WDFY4: variants seen among roughly 807,000 people sequenced by gnomAD.
WDFY4 encodes WDFY family member 4, also known as WD repeat- and FYVE domain-containing protein 4.
Under a neutral mutation model 351.9 loss-of-function variants are expected in WDFY4, and 169 were observed. That is an observed-to-expected ratio of 0.48 (90% CI 0.42 to 0.55). The LOEUF (loss-of-function observed/expected upper bound fraction) is 0.55. Ranked by LOEUF, WDFY4 falls within the 20% of genes least tolerant of loss-of-function variation. The pLI, the probability that WDFY4 is intolerant of heterozygous loss-of-function variation, is 0.00. For synonymous variants in WDFY4, 1,622 were observed against 1,574.6 expected (o/e 1.03, Z -0.71); for missense variants, 3,803 against 3,935.6 (o/e 0.97, Z 0.90).
At chr10:48,981,036 T>C (rs1842784096) in intron 60 of WDFY4, among the ~76,000 whole-genome samples, 1 of 152,254 alleles carries the variant, frequency 6.6e-6, no homozygotes, top group African/African-American at 2.4e-5. Flanking sequence ...GTGGGGCATC[T>C]TATTAAGCAT....
chr10:48,963,277 G>A (rs1841940696), intron 53 of WDFY4, among the ~76,000 whole-genome samples: 1 of 152,112 alleles, frequency 6.6e-6, no homozygotes, highest in African/African-American at 2.4e-5. Flanking sequence ...TGTCAGCCGT[G>A]GACACAACTT....
intron 1 of WDFY4, among the ~76,000 whole-genome samples, chr10:48,695,303 A>C (rs768304744): frequency 1.4e-4 from 21 of 152,130 alleles, no homozygotes; most frequent in Non-Finnish European, 2.1e-4. Flanking sequence ...TCTGGCTTGG[A>C]TCTCCTATGG....
intron 6 of WDFY4, among the ~76,000 whole-genome samples, 179 bp from the exon 7 acceptor site, chr10:48,727,291 G>T (rs1222974036): frequency 1.3e-5 from 2 of 152,208 alleles, no homozygotes; most frequent in Non-Finnish European, 2.9e-5. Context: ...GAGTGCAGCT[G>T]TCAGGATGGC....
chr10:48,805,503 A>C, intron 26 of WDFY4, 82 bp downstream of exon 26: 2 of 1,472,236 alleles, frequency 1.4e-6, no homozygotes, highest in Non-Finnish European at 1.8e-6. Context: ...CTCTCTCCCC[A>C]TTGTGCTCAA....
intron 33 of WDFY4, 148 bp from the exon 34 acceptor site, chr10:48,820,914 G>A (rs913161989): frequency 6.3e-6 from 4 of 634,288 alleles, no homozygotes; most frequent in Admixed American, 2.3e-5. Flanking sequence ...GTCACAGAGG[G>A]TGGGCCCCCA....
At chr10:48,862,157 C>G (rs528142852) in intron 39 of WDFY4, among the ~76,000 whole-genome samples, 2 of 152,312 alleles carry the variant, frequency 1.3e-5, no homozygotes, top group East Asian at 3.9e-4. Flanking sequence ...CTTCTGTTAT[C>G]TCACTGTATG....
chr10:48,717,773 T>C (rs1207644075), intron 2 of WDFY4, among the ~76,000 whole-genome samples: 2 of 152,260 alleles, frequency 1.3e-5, no homozygotes, highest in Admixed American at 1.3e-4. Flanking sequence ...TCCTATTATA[T>C]AAATATACCA....
At chr10:48,753,248 T>G (rs1323300306) in intron 12 of WDFY4, among the ~76,000 whole-genome samples, 1 of 152,142 alleles carries the variant, frequency 6.6e-6, no homozygotes, top group East Asian at 1.9e-4. Context: ...TATGAATTCT[T>G]TATATATTGT....
chr10:48,941,511 G>A (rs1840762947), intron 47 of WDFY4, among the ~76,000 whole-genome samples: 1 of 152,144 alleles, frequency 6.6e-6, no homozygotes, highest in Non-Finnish European at 1.5e-5. Flanking sequence ...TGTGAAGGAG[G>A]CCCCCAAGCC....
Position 48,897,528 on chromosome 10 carries a change from G to C in WDFY4, c.7391G>C (p.Ser2464Thr). The change falls in exon 45 of 62, where the codon AGC (serine) becomes ACC (threonine). Residue 2464 changes from serine (S) to threonine (T), a missense_variant. Ser to Thr is a moderately conservative substitution (Grantham distance 58). Transcript: ENST00000325239. ...STDHYSCQCH[S>T]YADMRELRQA... is the part of the protein sequence containing the mutation. ...GACCATTACTCGTGCCAGTGCCACA[G>C]CTACGCTGACATGCGGGAGCTACGG... 6.4e-7 allele frequency: 1 copy of C among 1,551,098 alleles called. No homozygotes were observed. Among genetic ancestry groups the C allele is most frequent in the Non-Finnish European group, 8.7e-7 (1 of 1,147,020 alleles).
At chr10:48,781,254 A>ATGTGTGTGTGTGTATATATATATATG (rs1565190550) in intron 19 of WDFY4, among the ~76,000 whole-genome samples, 2 of 146,644 alleles carry the variant, frequency 1.4e-5, no homozygotes, top group African/African-American at 5.2e-5. Context: ...GTATATATAT[A>ATGTGTGTGTGTGTATATATATATATG]TGTGTGTGTG....
intron 51 of WDFY4, among the ~76,000 whole-genome samples, chr10:48,952,693 T>A (rs966462241): frequency 6.6e-6 from 1 of 151,822 alleles, no homozygotes; most frequent in African/African-American, 2.4e-5. Context: ...GCAGGCAGCG[T>A]GGTTTCAGCA....
At chr10:48,943,653 C>T (rs538975960) in intron 49 of WDFY4, among the ~76,000 whole-genome samples, 5 of 151,930 alleles carry the variant, frequency 3.3e-5, no homozygotes, top group South Asian at 2.1e-4. Flanking sequence ...AGTGCAAAGG[C>T]GCAATCTCTG....
chr10:48,748,397 A>G (rs1234546485), intron 12 of WDFY4, among the ~76,000 whole-genome samples: 1 of 152,216 alleles, frequency 6.6e-6, no homozygotes, highest in Non-Finnish European at 1.5e-5. Flanking sequence ...TAATAAAGCT[A>G]GAATTTGAAC....
intron 17 of WDFY4, 81 bp from the exon 18 acceptor site, chr10:48,778,530 A>T (rs1011668210): frequency 1.4e-6 from 2 of 1,413,096 alleles, no homozygotes; most frequent in African/African-American, 2.8e-5. Context: ...ACCTGGGCTA[A>T]ATCAGCACCA....
chr10:48,782,559 G>A (rs1018738313), intron 19 of WDFY4, among the ~76,000 whole-genome samples: 8 of 152,230 alleles, frequency 5.3e-5, no homozygotes, highest in African/African-American at 1.9e-4. Flanking sequence ...AGTGGCCAAA[G>A]CCAAGACTGA....
chr10:48,938,042 G>A (rs1465029687), intron 47 of WDFY4, among the ~76,000 whole-genome samples: 1 of 152,204 alleles, frequency 6.6e-6, no homozygotes, highest in Non-Finnish European at 1.5e-5. Flanking sequence ...TAGCCCACAC[G>A]CATCAGCAGG....
intron 1 of WDFY4, among the ~76,000 whole-genome samples, chr10:48,691,401 G>C (rs1032540405): frequency 3.9e-5 from 6 of 152,140 alleles, no homozygotes; most frequent in African/African-American, 1.4e-4. Context: ...CCCTAAGCCT[G>C]ACCCTAGCTC....
At chr10:48,710,726 C>A (rs909497949) in intron 2 of WDFY4, among the ~76,000 whole-genome samples, 2 of 152,180 alleles carry the variant, frequency 1.3e-5, no homozygotes, top group Admixed American at 6.5e-5. Flanking sequence ...GACAATAATG[C>A]AAAGTGAGGT....
Sources: allele counts gnomAD v4.1 joint callset (sites outside exome capture counted in the v4.1 genomes callset), GRCh38; gene constraint gnomAD v4.1.1; transcripts MANE v1.5; gene names NCBI Gene and HGNC (gene_info 2026-07-23, HGNC 2026-07-21).